The following SESTD1 variants were observed in gnomAD, a reference collection of about 807,000 sequenced individuals.
SESTD1 encodes SEC14 domain and spectrin repeat-containing protein 1.
In SESTD1, 43 loss-of-function variants were observed where a neutral mutation model predicts 101.7. That is an observed-to-expected ratio of 0.42 (90% CI 0.33 to 0.55). The LOEUF is 0.55. Among genes scored for constraint, SESTD1 ranks in the 20% least tolerant of loss-of-function variants. The probability of loss-of-function intolerance (pLI) is 0.07; values close to 1 mark genes in which losing one functional copy is unlikely to be tolerated. For missense variants in SESTD1, 647 were observed against 815.1 expected (o/e 0.79, Z 2.51); for synonymous variants, 283 against 286.8 (o/e 0.99, Z 0.13).
In SESTD1 at chr2:179,204,181, C is replaced by T. The variant is rs377717955; in HGVS notation, c.-25-12315G>A. 6.7e-5 allele frequency among the ~76,000 whole-genome samples: 9 copies of T among 134,722 alleles called. 1 individual carries two copies. The South Asian group carries it at 1.7e-3, about 26-fold the overall frequency. The allele number at this position is 134,722 out of a possible 152,430, so 88.4% of individuals were successfully genotyped here. On this transcript the variant is annotated intron_variant, in intron 1 of 17. Transcript: ENST00000428443. ...AGAAAGAACTTTTATCTGAGGAATGCAAGTCCTTTTAATTATCAGACCAAG... is the reference window on the plus strand; with the variant it reads ...AGAAAGAACTTTTATCTGAGGAATGTAAGTCCTTTTAATTATCAGACCAAG...
chr2:179,189,089 T>C (rs1353588125), intron 2 of SESTD1, among the ~76,000 whole-genome samples: 1 of 152,158 alleles, frequency 6.6e-6, no homozygotes, highest in Non-Finnish European at 1.5e-5. Flanking sequence ...AGCATCATCC[T>C]GACACCAAAA....
At chr2:179,178,349 G>A (rs1219987663) in intron 3 of SESTD1, among the ~76,000 whole-genome samples, 2 of 152,114 alleles carry the variant, frequency 1.3e-5, no homozygotes, top group Non-Finnish European at 2.9e-5. Context: ...TTGCAGAGGG[G>A]GCTAGGCGTG....
rs76647007 is a variant in SESTD1, at chr2:179,171,892, T to C, written c.369+228A>G. Among the ~76,000 whole-genome samples the C allele has an allele frequency of 2.1e-4, 32 of 152,256 alleles. No individual in the cohort carries two copies. The East Asian group carries it at 6.0e-3, about 28-fold the overall frequency. On this transcript the variant is annotated intron_variant, in intron 5 of 17. Transcript: ENST00000428443. ...CTTATTCAAAGAAGTTAACAAAGAA[T>C]GATACAATTGAAAATGGAAAACAAG...
chr2:179,191,794 G>A lies in SESTD1; in HGVS notation c.48C>T (p.Phe16=), dbSNP rs1479643146. 1.1e-5 allele frequency: 17 copies of A among 1,612,106 alleles called. No individual in the cohort carries two copies. The highest frequency in any genetic ancestry group is 1.4e-5 in the Non-Finnish European group (17 of 1,178,990). ...ILPILKKKLA[F]LSGGKDRRSG... Reference sequence around the variant, plus strand: ...TTTAAGAAGAAATCATACCTGAAAGGAAGGCTAGTTTTTTCTTCAGAATGG... The same window carrying A: ...TTTAAGAAGAAATCATACCTGAAAGAAAGGCTAGTTTTTTCTTCAGAATGG... Residue 16 remains phenylalanine (F), a synonymous_variant, in exon 2 of 18, where the codon TTC becomes TTT. Transcript: ENST00000428443.
At chr2:179,144,061 AAT>A (rs2045343621) in intron 8 of SESTD1, among the ~76,000 whole-genome samples, 1 of 152,056 alleles carries the variant, frequency 6.6e-6, no homozygotes, top group African/African-American at 2.4e-5. Flanking sequence ...ATATATCATA[AAT>A]ATACGCACCT....
intron 2 of SESTD1, among the ~76,000 whole-genome samples, chr2:179,190,646 G>A (rs764527080): frequency 6.6e-6 from 1 of 151,970 alleles, no homozygotes; most frequent in Non-Finnish European, 1.5e-5. Context: ...TCCAACAAAG[G>A]CCTAATACCA....
chr2:179,226,578 G>T (rs1212291908), intron 1 of SESTD1, among the ~76,000 whole-genome samples: 1 of 152,114 alleles, frequency 6.6e-6, no homozygotes, highest in Non-Finnish European at 1.5e-5. Context: ...GCATAGAAGT[G>T]GTTGGTCAGA....
intron 5 of SESTD1, among the ~76,000 whole-genome samples, chr2:179,157,650 G>A (rs2045657072): frequency 6.6e-6 from 1 of 152,080 alleles, no homozygotes; most frequent in Non-Finnish European, 1.5e-5. Flanking sequence ...ACAGAACCCA[G>A]AAATAAATCC....
In SESTD1 at chr2:179,147,848, C is replaced by G. The variant is rs139264759; in HGVS notation, c.582-1391G>C. On this transcript the variant is annotated intron_variant, in intron 7 of 17. Transcript: ENST00000428443. Reference sequence around the variant, plus strand: ...GGGATGTCTTTCCCAAGGAATATAACTAAGAAACATCAAACTTACTCGGAT... The same window carrying G: ...GGGATGTCTTTCCCAAGGAATATAAGTAAGAAACATCAAACTTACTCGGAT... 2.0e-3 allele frequency among the ~76,000 whole-genome samples: 308 copies of G among 152,306 alleles called. 1 individual carries two copies. The highest frequency in any genetic ancestry group is 6.9e-3 in the African/African-American group (286 of 41,566).
At chr2:179,185,964 GCATATACAATATAGTATATT>G (rs2046224824) in intron 2 of SESTD1, among the ~76,000 whole-genome samples, 1 of 136,506 alleles carries the variant, frequency 7.3e-6, no homozygotes, top group African/African-American at 2.7e-5. Context: ...ATATAATATA[GCATATACAATATAGTATATT>G]ATATACAATA....
intron 8 of SESTD1, 61 bp from the exon 9 acceptor site, chr2:179,143,864 A>C (rs1428740797): frequency 2.7e-5 from 41 of 1,540,286 alleles, no homozygotes; most frequent in Middle Eastern, 1.7e-4. Context: ...CTCACTTCTC[A>C]ATATTCCCAA....
At chr2:179,188,822 C>T (rs1018920327) in intron 2 of SESTD1, among the ~76,000 whole-genome samples, 1 of 152,130 alleles carries the variant, frequency 6.6e-6, no homozygotes, top group Non-Finnish European at 1.5e-5. Context: ...TAACTAGAAA[C>T]TCTAGAGAAA....
chr2:179,147,406 G>A (rs2105446126), intron 7 of SESTD1, among the ~76,000 whole-genome samples: 1 of 150,154 alleles, frequency 6.7e-6, no homozygotes, highest in African/African-American at 2.5e-5. Flanking sequence ...CTGTCACCCA[G>A]GCTAGAGTGC....
chr2:179,239,533 G>A (rs1338754517), intron 1 of SESTD1, among the ~76,000 whole-genome samples: 1 of 152,070 alleles, frequency 6.6e-6, no homozygotes, highest in South Asian at 2.1e-4. Context: ...CTACACATTA[G>A]AATCATGTGG....
intron 1 of SESTD1, among the ~76,000 whole-genome samples, chr2:179,262,630 G>A (rs953136149): frequency 7.2e-5 from 11 of 151,966 alleles, no homozygotes; most frequent in African/African-American, 4.8e-5. Context: ...TCTAAAAATC[G>A]GATTAGTTTG....
chr2:179,207,713 A>G lies in SESTD1; in HGVS notation c.-25-15847T>C. Among the ~76,000 whole-genome samples, 2 of 135,240 alleles carry G rather than the reference A, an allele frequency of 1.5e-5. 1 individual carries two copies. The highest frequency in any genetic ancestry group is 4.0e-4 in the East Asian group (2 of 5,018). The allele number at this position is 135,240 out of a possible 152,430, so 88.7% of individuals were successfully genotyped here. A position where few individuals can be genotyped will look rare whatever the true frequency, so the allele number is the denominator to read the frequency against. ...AAGGGATCACCCTGTAGGACAAAAG[A>G]ATCTGAACAGCAGCCCCTGAGTTCC... On this transcript the variant is annotated intron_variant, in intron 1 of 17. Transcript: ENST00000428443.
At chr2:179,245,197 C>A (rs141476396) in intron 1 of SESTD1, among the ~76,000 whole-genome samples, 2 of 151,756 alleles carry the variant, frequency 1.3e-5, no homozygotes, top group East Asian at 3.9e-4. Context: ...ATAGCAAGAC[C>A]CTGTCTCTAC....
chr2:179,189,848 A>G (rs1157500865), intron 2 of SESTD1, among the ~76,000 whole-genome samples: 1 of 152,152 alleles, frequency 6.6e-6, no homozygotes, highest in Non-Finnish European at 1.5e-5. Context: ...ACCTAAAACT[A>G]CACCTAAGCA....
intron 1 of SESTD1, among the ~76,000 whole-genome samples, chr2:179,256,176 G>C (rs1283540687): frequency 6.6e-6 from 1 of 152,198 alleles, no homozygotes; most frequent in Non-Finnish European, 1.5e-5. Flanking sequence ...GAGTAAGTTT[G>C]ACTTTCAAGT....
Sources: allele counts gnomAD v4.1 joint callset (sites outside exome capture counted in the v4.1 genomes callset), GRCh38; gene constraint gnomAD v4.1.1; transcripts MANE v1.5; gene names NCBI Gene and HGNC (gene_info 2026-07-23, HGNC 2026-07-21).